Variants in CEP43 observed in about 807,000 individuals in gnomAD.
CEP43 encodes centrosomal protein 43.
A neutral mutation model predicts 52.6 loss-of-function variants in CEP43; 36 were observed. That is an observed-to-expected ratio of 0.68 (90% CI 0.52 to 0.90). The LOEUF (loss-of-function observed/expected upper bound fraction) is 0.90, where lower values mean the gene tolerates loss of function less well. CEP43 is among the 40% of genes least tolerant of loss of function. The pLI, the probability that CEP43 is intolerant of heterozygous loss-of-function variation, is 0.00. For missense variants in CEP43, 506 were observed against 472.8 expected (o/e 1.07, Z -0.65); for synonymous variants, 192 against 172.4 (o/e 1.11, Z -0.89).
intron 7 of CEP43, among the ~76,000 whole-genome samples, chr6:167,017,476 G>A (rs1385620472): frequency 6.6e-6 from 1 of 152,080 alleles, no homozygotes; most frequent in Admixed American, 6.6e-5. Context: ...GTGTCTGCAG[G>A]TGTCCTGGGT....
intron 5 of CEP43, among the ~76,000 whole-genome samples, chr6:167,008,801 A>G (rs762825348): frequency 6.6e-6 from 1 of 152,104 alleles, no homozygotes; most frequent in African/African-American, 2.4e-5. Flanking sequence ...CATACTGTTC[A>G]CAGTCAGTGG....
chr6:167,004,237 G>T lies in CEP43; in HGVS notation c.301-27G>T. On this transcript the variant is annotated intron_variant, in intron 4 of 12. Coordinates refer to ENST00000366847, the MANE Select transcript of CEP43 (RefSeq NM_007045.4). The stretch of plus-strand genomic sequence containing the variant: ...AGAATAACTTCTGCTATTTTTTTGT[G>T]CACTTGTATTTTAACTTCTTTTCTA... 6.4e-7 allele frequency: 1 copy of T among 1,574,002 alleles called. No individual in the cohort carries two copies. The highest frequency in any genetic ancestry group is 8.6e-7 in the Non-Finnish European group (1 of 1,163,346).
intron 4 of CEP43, 88 bp from the exon 5 acceptor site, chr6:167,004,176 G>A: frequency 9.0e-6 from 12 of 1,331,038 alleles, no homozygotes; most frequent in Non-Finnish European, 1.2e-5. Context: ...GTTTAAAGAT[G>A]TCTTTAAACT....
chr6:167,011,010 CT>C, intron 6 of CEP43, 117 bp downstream of exon 6: 1 of 480,394 alleles, frequency 2.1e-6, no homozygotes, highest in Non-Finnish European at 3.6e-6. Flanking sequence ...CACATGGGCT[CT>C]TTAGTTTCTT....
intron 5 of CEP43, among the ~76,000 whole-genome samples, chr6:167,007,802 T>A (rs1779888674): frequency 1.3e-5 from 2 of 152,170 alleles, no homozygotes; most frequent in African/African-American, 4.8e-5. Context: ...TTTTGTTTGG[T>A]TTTATTGGAT....
chr6:167,037,135 C>T (rs1459454421), intron 12 of CEP43, among the ~76,000 whole-genome samples: 1 of 152,196 alleles, frequency 6.6e-6, no homozygotes, highest in Non-Finnish European at 1.5e-5. Flanking sequence ...CCATTTATTT[C>T]TAGTTAGCTT....
chr6:167,034,616 T>C (rs948359011), intron 12 of CEP43, among the ~76,000 whole-genome samples: 10 of 152,182 alleles, frequency 6.6e-5, no homozygotes, highest in Non-Finnish European at 1.5e-4. Context: ...GGACTTGCTT[T>C]CCAGAACATG....
Position 166,999,430 on chromosome 6 carries a change from C to T in CEP43, c.18C>T (p.Ala6=), listed in dbSNP as rs1240300169. MAATA[A]AVVAEEDTEL... The stretch of plus-strand genomic sequence containing the variant: ...GAAGCAAGATGGCGGCGACGGCGGC[C>T]GCAGTGGTGGCCGAGGAGGACACGG... Residue 6 remains alanine (A), a synonymous_variant, in exon 1 of 13, where the codon GCC becomes GCT. Transcript: ENST00000366847. The T allele has an allele frequency of 6.8e-6, 10 of 1,477,506 alleles. No homozygotes were observed. Among genetic ancestry groups the T allele is most frequent in the Non-Finnish European group, 9.0e-6 (10 of 1,111,464 alleles). 91.5% of individuals were successfully genotyped at this position (1,477,506 alleles called of 1,614,324 possible).
chr6:167,036,301 G>A, intron 12 of CEP43: 1 of 985,438 alleles, frequency 1.0e-6, no homozygotes, highest in East Asian at 1.1e-4. Context: ...ACATGTCAGT[G>A]CTGCCCTGAT....
At position 167,041,837 on chromosome 6, in the gene CEP43, CG is replaced by C. The variant is rs113896539; in HGVS notation, c.*1866del. On this transcript the variant is annotated 3_prime_UTR_variant, in exon 13 of 13. Transcript: ENST00000366847. ...ACATACATCTTTTTTTTGCGGGGGGCGGGGGGGACAGAGTCTCACTGTGTCA... is the reference window on the plus strand; with the variant it reads ...ACATACATCTTTTTTTTGCGGGGGGCGGGGGGACAGAGTCTCACTGTGTCA... The C allele has an allele frequency of 8.1e-3, 320 of 39,652 alleles. 3 individuals are homozygous for C. Among genetic ancestry groups the C allele is most frequent in the African/African-American group, 0.012 (73 of 6,290 alleles). 2.5% of individuals were successfully genotyped at this position (39,652 alleles called of 1,614,324 possible).
At chr6:167,016,192 A>G (rs1304518517) in intron 7 of CEP43, among the ~76,000 whole-genome samples, 1 of 152,196 alleles carries the variant, frequency 6.6e-6, no homozygotes, top group Non-Finnish European at 1.5e-5. Flanking sequence ...ATTTAGAATT[A>G]GTTGCTCTTT....
intron 5 of CEP43, among the ~76,000 whole-genome samples, chr6:167,006,320 T>A (rs1008361179): frequency 3.3e-5 from 5 of 152,018 alleles, no homozygotes; most frequent in Non-Finnish European, 7.4e-5. Flanking sequence ...ATGGAGACCA[T>A]CCTGGCCAAC....
At chr6:167,036,294 T>C (rs1780584037) in intron 12 of CEP43, 6 of 985,334 alleles carry the variant, frequency 6.1e-6, no homozygotes, top group Non-Finnish European at 7.2e-6. Flanking sequence ...TCCCGGGACA[T>C]GTCAGTGCTG....
intron 10 of CEP43, among the ~76,000 whole-genome samples, chr6:167,031,160 G>A (rs1472551928): frequency 1.3e-5 from 2 of 152,164 alleles, no homozygotes; most frequent in Non-Finnish European, 1.5e-5. Flanking sequence ...GGGTGCAAGT[G>A]ATCCTCCTGC....
intron 7 of CEP43, among the ~76,000 whole-genome samples, chr6:167,014,293 T>G (rs898842694): frequency 1.3e-5 from 2 of 152,358 alleles, no homozygotes; most frequent in Admixed American, 1.3e-4. Context: ...TTCAGACAAT[T>G]GCACATTTGT....
rs1426311846 is a variant in CEP43, at chr6:167,022,647, G to T, written c.806+12G>T. 1.8e-5 allele frequency: 28 copies of T among 1,569,262 alleles called. No homozygotes were observed. Among genetic ancestry groups the T allele is most frequent in the Non-Finnish European group, 2.5e-5 (28 of 1,140,512 alleles). ...AAAACTTACGGTTTGTGAGTAAATG[G>T]TTTTTGAGCTATGAGACTAGGGGTT... On this transcript the variant is annotated intron_variant, in intron 8 of 12. Transcript: ENST00000366847.
At position 167,016,067 on chromosome 6, in the gene CEP43, GA is replaced by G. The variant is rs928067817; in HGVS notation, c.579+2512del. Among the ~76,000 whole-genome samples, 122 of 141,844 alleles carry G rather than the reference GA, an allele frequency of 8.6e-4. 2 individuals carry two copies. The highest frequency in any genetic ancestry group is 3.8e-3 in the South Asian group (17 of 4,490). The allele number at this position is 141,844 out of a possible 152,430, so 93.1% of individuals were successfully genotyped here. On this transcript the variant is annotated intron_variant, in intron 7 of 12. Coordinates refer to ENST00000366847, the MANE Select transcript of CEP43 (RefSeq NM_007045.4). Reference sequence around the variant, plus strand: ...TTGTACCAAACATCCTAATTGTTTGGAAAAAAAAAAAAGTATCAGAAAATTA... The same window carrying G: ...TTGTACCAAACATCCTAATTGTTTGGAAAAAAAAAAAGTATCAGAAAATTA...
Position 167,045,941 on chromosome 6 carries a change from C to G in CEP43, c.*5963C>G, listed in dbSNP as rs1161322436. 6.6e-6 allele frequency: 1 copy of G among 152,248 alleles called. No homozygotes were observed. Among genetic ancestry groups the G allele is most frequent in the Non-Finnish European group, 1.5e-5 (1 of 68,164 alleles). The allele number at this position is 152,248 out of a possible 1,614,324, so 9.4% of individuals were successfully genotyped here. On this transcript the variant is annotated 3_prime_UTR_variant, in exon 13 of 13. Transcript: ENST00000366847. ...CCCAGCACCCCTACTGCCCATGCGCCTCTCCTGCCCCAGCACCCCTACTGC... is the reference window on the plus strand; with the variant it reads ...CCCAGCACCCCTACTGCCCATGCGCGTCTCCTGCCCCAGCACCCCTACTGC...
At chr6:167,037,006 A>T (rs972825830) in intron 12 of CEP43, among the ~76,000 whole-genome samples, 1 of 152,014 alleles carries the variant, frequency 6.6e-6, no homozygotes, top group Non-Finnish European at 1.5e-5. Flanking sequence ...GGTTTCACCT[A>T]TGTTAGCCAG....
Sources: allele counts gnomAD v4.1 joint callset (sites outside exome capture counted in the v4.1 genomes callset), GRCh38; gene constraint gnomAD v4.1.1; transcripts MANE v1.5; gene names NCBI Gene and HGNC (gene_info 2026-07-23, HGNC 2026-07-21).